The following FAR2 variants were observed in gnomAD, a reference collection of about 807,000 sequenced individuals.
The protein encoded by FAR2 is epididymis secretory protein Li 81.
Under a neutral mutation model 56.0 loss-of-function variants are expected in FAR2, and 19 were observed. The ratio of observed to expected loss-of-function variants is 0.34; its 90% confidence interval spans 0.24 to 0.50. The LOEUF is 0.50. FAR2 is among the 20% of genes least tolerant of loss of function. FAR2 has a pLI of 0.98. For synonymous variants in FAR2, 219 were observed against 218.8 expected, an observed-to-expected ratio of 1.00 and a Z score of -0.01; for missense variants, 508 against 642.2, an observed-to-expected ratio of 0.79 and a Z score of 2.26.
chr12:29,177,509 A>G lies in FAR2; in HGVS notation c.-39+28102A>G, dbSNP rs534581750. On this transcript the variant is annotated intron_variant, in intron 1 of 11. Coordinates refer to ENST00000536681, the MANE Select transcript of FAR2 (RefSeq NM_001271783.2). Reference sequence around the variant, plus strand: ...AAATTTCAACTAAAAATTGGGGTATAACCAGATTTCCTGTGGCTAACTAAC... The same window carrying G: ...AAATTTCAACTAAAAATTGGGGTATGACCAGATTTCCTGTGGCTAACTAAC... 2.0e-5 allele frequency among the ~76,000 whole-genome samples: 3 copies of G among 152,348 alleles called. 1 individual carries two copies. The highest frequency in any genetic ancestry group is 4.8e-5 in the African/African-American group (2 of 41,572).
At chr12:29,228,278 G>C (rs1278291671) in intron 1 of FAR2, among the ~76,000 whole-genome samples, 36 of 151,950 alleles carry the variant, frequency 2.4e-4, no homozygotes, top group Admixed American at 2.4e-3. Flanking sequence ...TGAAACAAAT[G>C]AACAACAACA....
At chr12:29,194,422 C>G (rs1950128061) in intron 1 of FAR2, among the ~76,000 whole-genome samples, 2 of 151,296 alleles carry the variant, frequency 1.3e-5, no homozygotes, top group African/African-American at 4.9e-5. Context: ...TCCATGAGAC[C>G]CACTTTCTAA....
chr12:29,301,218 T>G (rs1949158403), intron 4 of FAR2, among the ~76,000 whole-genome samples: 1 of 152,236 alleles, frequency 6.6e-6, no homozygotes, highest in Non-Finnish European at 1.5e-5. Context: ...GTTAATGCTT[T>G]TAATGAGTAT....
At chr12:29,293,530 C>A in intron 3 of FAR2, 55 bp downstream of exon 3, 2 of 1,271,812 alleles carry the variant, frequency 1.6e-6, no homozygotes, top group Non-Finnish European at 2.0e-6. Flanking sequence ...ATGTAAATTT[C>A]TTCATAGTTT....
At chr12:29,194,006 T>C (rs1357992231) in intron 1 of FAR2, among the ~76,000 whole-genome samples, 1 of 152,234 alleles carries the variant, frequency 6.6e-6, no homozygotes, top group Non-Finnish European at 1.5e-5. Flanking sequence ...GGCAATGTAC[T>C]AGAGACATGT....
At chr12:29,171,117 A>C (rs1304558386) in intron 1 of FAR2, among the ~76,000 whole-genome samples, 1 of 152,256 alleles carries the variant, frequency 6.6e-6, no homozygotes, top group African/African-American at 2.4e-5. Flanking sequence ...ATGGTAACAG[A>C]CCTTGAGGAC....
intron 1 of FAR2, among the ~76,000 whole-genome samples, chr12:29,207,047 G>A (rs1380187412): frequency 8.5e-5 from 13 of 152,222 alleles, no homozygotes; most frequent in African/African-American, 3.1e-4. Flanking sequence ...GAAAGTTGGT[G>A]TGAGAGAAAA....
At chr12:29,180,444 C>A (rs1353045554) in intron 1 of FAR2, among the ~76,000 whole-genome samples, 1 of 152,144 alleles carries the variant, frequency 6.6e-6, no homozygotes, top group Admixed American at 6.5e-5. Flanking sequence ...AAACTGCCCT[C>A]TCCCAATGAA....
rs1447567698 is a variant in FAR2, at chr12:29,313,763, A to G, written c.955+1813A>G. Among the ~76,000 whole-genome samples, 4 of 152,204 alleles carry G rather than the reference A, an allele frequency of 2.6e-5. No homozygotes were observed. The East Asian group carries it at 7.7e-4, about 29-fold the overall frequency. On this transcript the variant is annotated intron_variant, in intron 8 of 11. Coordinates refer to ENST00000536681, the MANE Select transcript of FAR2 (RefSeq NM_001271783.2). ...TATAATTATGTTTCTCTTTTAATTC[A>G]TAATAGTTGTGTGTCTTCTCCAAAG...
chr12:29,251,682 A>G (rs1201019831), intron 1 of FAR2, among the ~76,000 whole-genome samples: 1 of 152,188 alleles, frequency 6.6e-6, no homozygotes, highest in African/African-American at 2.4e-5. Context: ...GGGAAAGGCT[A>G]AGAAGAAACA....
chr12:29,332,045 T>G, intron 10 of FAR2: 1 of 155,886 alleles, frequency 6.4e-6, no homozygotes, highest in Non-Finnish European at 1.4e-5. Flanking sequence ...TCCTCCCCCA[T>G]GTTGTGATCA....
chr12:29,202,455 G>T (rs1051993730), intron 1 of FAR2, among the ~76,000 whole-genome samples: 1 of 152,088 alleles, frequency 6.6e-6, no homozygotes, highest in Admixed American at 6.6e-5. Flanking sequence ...TTTTAAGAAC[G>T]TACTGATAGA....
intron 1 of FAR2, among the ~76,000 whole-genome samples, chr12:29,173,449 T>C (rs569351180): frequency 6.6e-6 from 1 of 152,284 alleles, no homozygotes; most frequent in Non-Finnish European, 1.5e-5. Context: ...GGATTCTCCT[T>C]CAATGAAAGG....
chr12:29,307,037 G>A (rs1949262611), intron 4 of FAR2, among the ~76,000 whole-genome samples: 3 of 152,088 alleles, frequency 2.0e-5, no homozygotes, highest in Non-Finnish European at 4.4e-5. Flanking sequence ...AAAGCTAAAG[G>A]CTTCAGGATT....
rs745778527 is a variant in FAR2 at position 29,321,941 on chromosome 12, C to A, written c.1257+17C>A. The A allele has an allele frequency of 7.5e-6, 12 of 1,596,780 alleles. No individual in the cohort carries two copies. In the South Asian group the frequency reaches 1.4e-4, roughly 18 times the overall value. Reference sequence around the variant, plus strand: ...GACCAGAGAGTAAGTAGAGCACTGACTTAAGCACCAGGAAAATGCTACTCA... The same window carrying A: ...GACCAGAGAGTAAGTAGAGCACTGAATTAAGCACCAGGAAAATGCTACTCA... On this transcript the variant is annotated intron_variant, in intron 10 of 11. Transcript: ENST00000536681.
At chr12:29,298,381 A>G (rs1949106048) in intron 4 of FAR2, among the ~76,000 whole-genome samples, 1 of 151,452 alleles carries the variant, frequency 6.6e-6, no homozygotes, top group African/African-American at 2.4e-5. Flanking sequence ...TTATAATTTT[A>G]TATAATACTG....
At chr12:29,189,861 T>G (rs1282445239) in intron 1 of FAR2, among the ~76,000 whole-genome samples, 1 of 152,040 alleles carries the variant, frequency 6.6e-6, no homozygotes, top group Non-Finnish European at 1.5e-5. Context: ...AGGCAAGAGA[T>G]GATATAGGTT....
intron 1 of FAR2, among the ~76,000 whole-genome samples, chr12:29,204,593 T>C (rs2136620873): frequency 6.6e-6 from 1 of 152,314 alleles, no homozygotes; most frequent in African/African-American, 2.4e-5. Context: ...AATCTTGCAC[T>C]GCTATAAAGA....
At chr12:29,207,611 T>A (rs1947491021) in intron 1 of FAR2, among the ~76,000 whole-genome samples, 1 of 152,186 alleles carries the variant, frequency 6.6e-6, no homozygotes, top group Non-Finnish European at 1.5e-5. Context: ...TTTCTCTTTT[T>A]CCCTTTTTTG....
Sources: allele counts gnomAD v4.1 joint callset (sites outside exome capture counted in the v4.1 genomes callset), GRCh38; gene constraint gnomAD v4.1.1; transcripts MANE v1.5; gene names NCBI Gene and HGNC (gene_info 2026-07-23, HGNC 2026-07-21).